Variants in PEAK1 observed in about 807,000 individuals in gnomAD.
The protein encoded by PEAK1 is pseudopodium enriched atypical kinase 1.
Under a neutral mutation model 124.7 loss-of-function variants are expected in PEAK1, and 54 were observed. That is an observed-to-expected ratio of 0.43 (90% confidence interval 0.35 to 0.54). The LOEUF (loss-of-function observed/expected upper bound fraction) is 0.54, where lower values mean the gene tolerates loss of function less well. Ranked by LOEUF, PEAK1 falls within the 20% of genes least tolerant of loss-of-function variation. The pLI, the probability that PEAK1 is intolerant of heterozygous loss-of-function variation, is 0.01. For missense variants in PEAK1, 2,046 were observed against 2,134.5 expected (o/e 0.96, Z 0.82); for synonymous variants, 719 against 760.0 (o/e 0.95, Z 0.89).
rs1266265204 is a variant in PEAK1 at position 77,154,836 on chromosome 15, A to G, written c.3331+3667T>C. Among the ~76,000 whole-genome samples, 27 of 152,070 alleles carry G rather than the reference A, an allele frequency of 1.8e-4. No homozygotes were observed. The East Asian group carries it at 2.7e-3, about 15-fold the overall frequency. On this transcript the variant is annotated intron_variant, in intron 8 of 9. Coordinates refer to ENST00000682557, the MANE Select transcript of PEAK1 (RefSeq NM_001385026.1). The stretch of plus-strand genomic sequence containing the variant: ...GCCCCCACTCTCTTCTGGCTTGTAG[A>G]GTTTCTGCCAAGAGATCAGCTGTTA...
chr15:77,103,541 T>C (rs1019487820), downstream of PEAK1: 19 of 152,210 alleles, frequency 1.2e-4, no homozygotes, highest in African/African-American at 4.1e-4. Flanking sequence ...ATGTCTTGTA[T>C]ATATTTGCTC....
intron 5 of PEAK1, among the ~76,000 whole-genome samples, chr15:77,274,451 A>G (rs1029263031): frequency 3.9e-5 from 6 of 152,126 alleles, no homozygotes; most frequent in African/African-American, 1.4e-4. Context: ...TGGGCTAAAG[A>G]CATGAATAGA....
chr15:77,389,385 C>T (rs2141899901), intron 1 of PEAK1, among the ~76,000 whole-genome samples: 2 of 152,280 alleles, frequency 1.3e-5, no homozygotes, highest in South Asian at 4.1e-4. Flanking sequence ...TGTCACTAGA[C>T]AGGTGTGCAA....
chr15:77,216,994 G>A (rs2059176837), intron 6 of PEAK1, among the ~76,000 whole-genome samples: 1 of 152,036 alleles, frequency 6.6e-6, no homozygotes, highest in South Asian at 2.1e-4. Context: ...CAGCACCTTG[G>A]GAGGCTGAAG....
intron 7 of PEAK1, among the ~76,000 whole-genome samples, chr15:77,175,141 T>C (rs1462839011): frequency 6.6e-6 from 1 of 152,004 alleles, no homozygotes; most frequent in Non-Finnish European, 1.5e-5. Context: ...TCTAAAACCA[T>C]AAAAACCCTA....
At chr15:77,343,798 C>G (rs2141361395) in intron 2 of PEAK1, among the ~76,000 whole-genome samples, 1 of 152,020 alleles carries the variant, frequency 6.6e-6, no homozygotes, top group South Asian at 2.1e-4. Flanking sequence ...TCTATTTTTT[C>G]TTTTGTTACC....
chr15:77,133,615 G>C lies in PEAK1; in HGVS notation c.3467C>G (p.Pro1156Arg). The change falls in exon 9 of 10, where the codon CCA becomes CGA. Residue 1156 changes from proline (P) to arginine (R), a missense_variant. Pro to Arg is a moderately radical substitution (Grantham distance 103, BLOSUM62 -2). Transcript: ENST00000682557. This position sits in a 1 kb window ranked among gnomAD's most constrained non-coding sequence, Gnocchi z 4.2. The stretch of plus-strand genomic sequence containing the variant: ...ATTGGCTCTTATGATCATCTTCTTT[G>C]GCAGTGGGGGTGGTGTAGGTTGGGA... Reference protein sequence around the residue: ...NASQPTPPPLPKKMIIRANTE... With the variant: ...NASQPTPPPLRKKMIIRANTE... The C allele has an allele frequency of 6.2e-7, 1 of 1,614,092 alleles. No individual in the cohort carries two copies. Among genetic ancestry groups the C allele is most frequent in the East Asian group, 2.2e-5 (1 of 44,882 alleles).
chr15:77,373,857 G>T (rs2068816114), intron 1 of PEAK1, among the ~76,000 whole-genome samples: 1 of 152,138 alleles, frequency 6.6e-6, no homozygotes, highest in Admixed American at 6.5e-5. Flanking sequence ...GGGTCAATGG[G>T]CATGCTGTCA....
intron 5 of PEAK1, among the ~76,000 whole-genome samples, chr15:77,255,160 C>G (rs2061069104): frequency 6.6e-6 from 1 of 152,104 alleles, no homozygotes; most frequent in African/African-American, 2.4e-5. Flanking sequence ...ATTATCAAAA[C>G]AACGAATTAA....
chr15:77,290,432 T>C (rs371086160), intron 2 of PEAK1, among the ~76,000 whole-genome samples: 5 of 152,328 alleles, frequency 3.3e-5, no homozygotes, highest in East Asian at 3.9e-4. Flanking sequence ...TTTATATTTT[T>C]AGTAGAGACA....
At chr15:77,341,229 G>A (rs2066510013) in intron 2 of PEAK1, among the ~76,000 whole-genome samples, 1 of 152,128 alleles carries the variant, frequency 6.6e-6, no homozygotes, top group African/African-American at 2.4e-5. Flanking sequence ...TTGGCTGGGT[G>A]TGGTGGCTCA....
chr15:77,313,726 G>GTGTGTGTGTA (rs1462211130), intron 2 of PEAK1, among the ~76,000 whole-genome samples: 2 of 108,564 alleles, frequency 1.8e-5, no homozygotes, highest in African/African-American at 6.8e-5. Flanking sequence ...GTGTGTGTGT[G>GTGTGTGTGTA]TATATATATA....
intron 8 of PEAK1, among the ~76,000 whole-genome samples, chr15:77,146,636 T>C (rs948889004): frequency 3.3e-5 from 5 of 152,174 alleles, no homozygotes; most frequent in African/African-American, 1.2e-4. Context: ...ATAATTACAA[T>C]TTTAGGAAGT....
chr15:77,123,614 G>T (rs140822111), intron 9 of PEAK1, among the ~76,000 whole-genome samples: 1 of 152,246 alleles, frequency 6.6e-6, no homozygotes, highest in East Asian at 1.9e-4. Flanking sequence ...CTACTATGAG[G>T]ATATGAGGGA....
At chr15:77,296,414 G>A (rs1313231753) in intron 2 of PEAK1, among the ~76,000 whole-genome samples, 1 of 151,592 alleles carries the variant, frequency 6.6e-6, no homozygotes, top group Non-Finnish European at 1.5e-5. Flanking sequence ...GAGTTCGAGA[G>A]CAGCCTGGCC....
At chr15:77,416,992 C>G (rs375490952) in intron 1 of PEAK1, among the ~76,000 whole-genome samples, 11 of 152,048 alleles carry the variant, frequency 7.2e-5, no homozygotes, top group African/African-American at 2.7e-4. Flanking sequence ...TAGGACAGCA[C>G]TGGTATAAGA....
In PEAK1 at chr15:77,351,684, A is replaced by T. The variant is rs1305013523; in HGVS notation, c.-603+13479T>A. On this transcript the variant is annotated intron_variant, in intron 2 of 9. Transcript: ENST00000682557. ...TTGCTTTGTTTGTGCGTTTTGTCCA[A>T]TTCTTTGTTCAAGGTGCCAAGAACC... is the stretch of plus-strand genomic sequence containing the variant. 9.4e-6 allele frequency: 9 copies of T among 954,466 alleles called. No homozygotes were observed. In the East Asian group the frequency reaches 1.0e-3, roughly 110 times the overall value. 59.1% of individuals were successfully genotyped at this position (954,466 alleles called of 1,614,324 possible).
intron 2 of PEAK1, among the ~76,000 whole-genome samples, chr15:77,306,671 T>C (rs1272543534): frequency 3.3e-5 from 5 of 152,132 alleles, no homozygotes; most frequent in Non-Finnish European, 7.4e-5. Flanking sequence ...CATCCAGGGC[T>C]CAGTTTCAAG....
At chr15:77,342,220 G>C (rs1275941928) in intron 2 of PEAK1, among the ~76,000 whole-genome samples, 4 of 149,634 alleles carry the variant, frequency 2.7e-5, no homozygotes, top group Non-Finnish European at 5.9e-5. Context: ...GTACAATTCA[G>C]TAATGTTAAG....
Sources: gnomAD v4.1 joint callset for allele counts (sites outside exome capture counted in the v4.1 genomes callset) on GRCh38, gnomAD v4.1.1 for gene constraint, Gnocchi (gnomAD v3.1) non-coding constraint, MANE v1.5 for transcripts, NCBI Gene and HGNC (gene_info 2026-07-23, HGNC 2026-07-21) for gene names.